HHAT: variants seen among roughly 807,000 people sequenced by gnomAD.
HHAT encodes protein-cysteine N-palmitoyltransferase HHAT.
In HHAT, 47 loss-of-function variants were observed where a neutral mutation model predicts 70.8. That is an observed-to-expected ratio of 0.66 (90% CI 0.53 to 0.85). The LOEUF is 0.85. Ranked by LOEUF, HHAT falls within the 40% of genes least tolerant of loss-of-function variation. The pLI is 0.00. For missense variants in HHAT, 609 were observed against 604.8 expected (o/e 1.01, Z -0.07); for synonymous variants, 228 against 247.6 (o/e 0.92, Z 0.74).
chr1:210,341,092 T>C (rs2086004731), intron 1 of HHAT, among the ~76,000 whole-genome samples: 1 of 152,256 alleles, frequency 6.6e-6, no homozygotes, highest in Non-Finnish European at 1.5e-5. Flanking sequence ...GTACTTGTTA[T>C]AGTACAGCTA....
chr1:210,673,897 AGTGCCGGGATTACAG>A (rs1333714032), intron 11 of HHAT, among the ~76,000 whole-genome samples: 4 of 151,176 alleles, frequency 2.6e-5, no homozygotes, highest in African/African-American at 4.8e-5. Flanking sequence ...AGCCTTCCAA[AGTGCCGGGATTACAG>A]GTGCCTGGCT....
At chr1:210,540,990 G>A (rs1405552159) in intron 9 of HHAT, among the ~76,000 whole-genome samples, 4 of 151,996 alleles carry the variant, frequency 2.6e-5, no homozygotes, top group African/African-American at 9.7e-5. Flanking sequence ...ACAGGCGCAC[G>A]CCGCCATGCC....
At chr1:210,490,454 C>T (rs1474915213) in intron 8 of HHAT, among the ~76,000 whole-genome samples, 1 of 152,164 alleles carries the variant, frequency 6.6e-6, no homozygotes, top group Non-Finnish European at 1.5e-5. Flanking sequence ...CTTACTTAGA[C>T]TTGGTTCCTG....
chr1:210,479,989 T>C (rs926917825), intron 8 of HHAT, among the ~76,000 whole-genome samples: 1 of 152,204 alleles, frequency 6.6e-6, no homozygotes. Flanking sequence ...TACCTGTTAA[T>C]GGGCTAATGA....
At chr1:210,480,579 A>C (rs77846948) in intron 8 of HHAT, among the ~76,000 whole-genome samples, 1,997 of 152,274 alleles carry the variant, frequency 0.013, 52 homozygotes, top group African/African-American at 0.046. Flanking sequence ...TGCAAATATG[A>C]TGGTGCTTGG....
chr1:210,673,957 C>CTTTTTTTTT (rs1318957937), intron 11 of HHAT, among the ~76,000 whole-genome samples: 1 of 141,536 alleles, frequency 7.1e-6, no homozygotes. Flanking sequence ...TGCCCTATTT[C>CTTTTTTTTT]TTTTTTTTTT....
intron 5 of HHAT, among the ~76,000 whole-genome samples, chr1:210,403,604 TTTTTCTGTGTACAGC>T (rs1374401975): frequency 6.6e-6 from 1 of 152,222 alleles, no homozygotes; most frequent in African/African-American, 2.4e-5. Context: ...CAGTGGTTGG[TTTTTCTGTGTACAGC>T]TTTAAGAGAC....
intron 8 of HHAT, among the ~76,000 whole-genome samples, chr1:210,507,517 C>T (rs111795168): frequency 0.11 from 16,640 of 151,872 alleles, 1,179 homozygotes; most frequent in South Asian, 0.19. Flanking sequence ...CCCAACACCA[C>T]GCCTGGCTAA....
At chr1:210,531,084 C>G (rs2095309986) in intron 9 of HHAT, among the ~76,000 whole-genome samples, 1 of 152,188 alleles carries the variant, frequency 6.6e-6, no homozygotes, top group African/African-American at 2.4e-5. Flanking sequence ...ATGGTGGAGC[C>G]TCTTGCTCCT....
At chr1:210,361,403 C>T (rs2088298242) in intron 2 of HHAT, among the ~76,000 whole-genome samples, 1 of 152,176 alleles carries the variant, frequency 6.6e-6, no homozygotes, top group Non-Finnish European at 1.5e-5. Flanking sequence ...TCACACACCT[C>T]CATGGCACAC....
At chr1:210,528,245 C>G (rs772574941) in intron 9 of HHAT, among the ~76,000 whole-genome samples, 3 of 152,298 alleles carry the variant, frequency 2.0e-5, no homozygotes, top group Non-Finnish European at 4.4e-5. Context: ...GGGGAAGGTT[C>G]TCCCAAGATC....
At position 210,422,550 on chromosome 1, in the gene HHAT, C is replaced by T. The variant is rs78659737; in HGVS notation, c.856+4225C>T. Among the ~76,000 whole-genome samples the T allele has an allele frequency of 4.2e-3, 634 of 152,338 alleles. 4 individuals are homozygous for T. The highest frequency in any genetic ancestry group is 0.015 in the African/African-American group (607 of 41,570). ...TTATTTCACTTAACAGAATGTACCC[C>T]AGTTCCATCTTTGTTGCCTCAAACA... On this transcript the variant is annotated intron_variant, in intron 7 of 11. Coordinates refer to ENST00000261458, the MANE Select transcript of HHAT (RefSeq NM_018194.6).
intron 11 of HHAT, among the ~76,000 whole-genome samples, chr1:210,630,382 G>A (rs1670636354): frequency 6.6e-6 from 1 of 152,194 alleles, no homozygotes; most frequent in Non-Finnish European, 1.5e-5. Flanking sequence ...ACCCCTTGGT[G>A]ACACCACTAC....
chr1:210,413,025 C>T (rs966849306), intron 6 of HHAT, among the ~76,000 whole-genome samples: 4 of 152,210 alleles, frequency 2.6e-5, no homozygotes, highest in Non-Finnish European at 4.4e-5. Flanking sequence ...GCAGTGACAG[C>T]CCCTCCTTTG....
At chr1:210,441,232 C>G (rs953711536) in intron 7 of HHAT, among the ~76,000 whole-genome samples, 2 of 152,180 alleles carry the variant, frequency 1.3e-5, no homozygotes, top group Non-Finnish European at 2.9e-5. Context: ...GGTCAAGTTT[C>G]ACAAATGCCC....
rs1050491752 is a variant in HHAT, at chr1:210,354,032, A to C, written c.91+4966A>C. On this transcript the variant is annotated intron_variant, in intron 2 of 11. Coordinates refer to ENST00000261458, the MANE Select transcript of HHAT (RefSeq NM_018194.6). ...CATTTTTCAGGTGCTTAATAGATGA[A>C]CCCAGGCTGTTCTCAGGAAGGCTGG... is the stretch of plus-strand genomic sequence containing the variant. Among the ~76,000 whole-genome samples, 5 of 152,222 alleles carry C rather than the reference A, an allele frequency of 3.3e-5. No homozygotes were observed. In the South Asian group the frequency reaches 8.3e-4, roughly 25 times the overall value.
intron 7 of HHAT, among the ~76,000 whole-genome samples, chr1:210,457,483 G>A (rs766465638): frequency 6.6e-6 from 1 of 152,144 alleles, no homozygotes; most frequent in Non-Finnish European, 1.5e-5. Context: ...GTCAGGCCAC[G>A]GACTGACACA....
At chr1:210,450,926 C>G (rs1473951275) in intron 7 of HHAT, among the ~76,000 whole-genome samples, 2 of 151,706 alleles carry the variant, frequency 1.3e-5, no homozygotes, top group Admixed American at 6.6e-5. Context: ...ACTAAAAATA[C>G]AAAAACAAAA....
rs1680893693 is a variant in HHAT at position 210,674,989 on chromosome 1, G to C, written c.*610G>C. On this transcript the variant is annotated 3_prime_UTR_variant, in exon 12 of 12. Transcript: ENST00000261458. ...AGCATTCTAAGGCATCTATACCCAA[G>C]GAGTCCTGTGATCTGAGCTTCAGCA... The C allele has an allele frequency of 6.6e-6, 1 of 152,208 alleles. No homozygotes were observed. Among genetic ancestry groups the C allele is most frequent in the Non-Finnish European group, 1.5e-5 (1 of 68,066 alleles). The allele number at this position is 152,208 out of a possible 1,614,324, so 9.4% of individuals were successfully genotyped here.
Sources: allele counts gnomAD v4.1 joint callset (sites outside exome capture counted in the v4.1 genomes callset), GRCh38; gene constraint gnomAD v4.1.1; transcripts MANE v1.5; gene names NCBI Gene and HGNC (gene_info 2026-07-23, HGNC 2026-07-21).